LDLRAD3: variants seen among roughly 807,000 people sequenced by gnomAD.
The protein encoded by LDLRAD3 is low density lipoprotein receptor class A domain containing 3, also known as low-density lipoprotein receptor class A domain-containing protein 3.
In LDLRAD3, 20 loss-of-function variants were observed where a neutral mutation model predicts 29.4. The observed-to-expected ratio is 0.68, with a 90% CI of 0.48 to 0.99. LDLRAD3 has a LOEUF of 0.99. Among genes scored for constraint, LDLRAD3 ranks in the 50% least tolerant of loss-of-function variants. The pLI, the probability that LDLRAD3 is intolerant of heterozygous loss-of-function variation, is 0.00. For synonymous variants in LDLRAD3, 157 were observed against 192.7 expected, an observed-to-expected ratio of 0.81 and a Z score of 1.53; for missense variants, 420 against 454.3, an observed-to-expected ratio of 0.92 and a Z score of 0.69.
chr11:36,121,584 G>A (rs925795517), intron 4 of LDLRAD3, among the ~76,000 whole-genome samples: 2 of 152,204 alleles, frequency 1.3e-5, no homozygotes, highest in Non-Finnish European at 2.9e-5. Flanking sequence ...ATTATGGTTC[G>A]GGAAAATAAT....
intron 1 of LDLRAD3, among the ~76,000 whole-genome samples, chr11:35,963,074 G>C (rs1429551186): frequency 6.6e-6 from 1 of 152,144 alleles, no homozygotes; most frequent in Admixed American, 6.5e-5. Flanking sequence ...AGGGAGGAAG[G>C]CCAGGCCACA....
intron 1 of LDLRAD3, among the ~76,000 whole-genome samples, chr11:35,965,817 A>T (rs901200693): frequency 6.6e-6 from 1 of 152,236 alleles, no homozygotes; most frequent in Admixed American, 6.5e-5. Context: ...TTTTAAAATC[A>T]GGAAAAGAAG....
intron 3 of LDLRAD3, among the ~76,000 whole-genome samples, chr11:36,094,128 G>C (rs1263870977): frequency 6.6e-6 from 1 of 152,162 alleles, no homozygotes; most frequent in East Asian, 1.9e-4. Flanking sequence ...TTTCACCGGG[G>C]ACTCGCCCCT....
At chr11:36,149,862 AC>A (rs1336907841) in intron 4 of LDLRAD3, among the ~76,000 whole-genome samples, 1 of 151,180 alleles carries the variant, frequency 6.6e-6, no homozygotes, top group Non-Finnish European at 1.5e-5. Context: ...GTTCCTCATG[AC>A]TGTTCCTCAT....
chr11:36,118,977 A>C (rs990690867), intron 4 of LDLRAD3, among the ~76,000 whole-genome samples: 1 of 151,434 alleles, frequency 6.6e-6, no homozygotes, highest in Non-Finnish European at 1.5e-5. Context: ...TTCACTTAGC[A>C]TAACGTGTTC....
Position 36,015,640 on chromosome 11 carries a change from GC to G in LDLRAD3, c.47-20458del, listed in dbSNP as rs201593603. 5.1e-3 allele frequency among the ~76,000 whole-genome samples: 773 copies of G among 150,772 alleles called. 7 individuals are homozygous for G. Among genetic ancestry groups the G allele is most frequent in the African/African-American group, 0.018 (745 of 41,014 alleles). On this transcript the variant is annotated intron_variant, in intron 1 of 5. Coordinates refer to ENST00000315571, the MANE Select transcript of LDLRAD3 (RefSeq NM_174902.4). ...TTGCCAACCCCAGAGCCCCGGTGGTGCCCCCACTCCATCCTCCCCCTGCCCC... is the reference window on the plus strand; with the variant it reads ...TTGCCAACCCCAGAGCCCCGGTGGTGCCCCACTCCATCCTCCCCCTGCCCC...
chr11:35,992,686 G>A (rs1376379921), intron 1 of LDLRAD3, among the ~76,000 whole-genome samples: 1 of 152,192 alleles, frequency 6.6e-6, no homozygotes, highest in Non-Finnish European at 1.5e-5. Flanking sequence ...GTTGCCTAGG[G>A]CTGAGTGGGG....
At chr11:36,017,740 G>T (rs1011586570) in intron 1 of LDLRAD3, among the ~76,000 whole-genome samples, 9 of 151,992 alleles carry the variant, frequency 5.9e-5, no homozygotes, top group Admixed American at 2.6e-4. Context: ...GGCCAGGCTG[G>T]TCTCCAACTC....
intron 4 of LDLRAD3, among the ~76,000 whole-genome samples, chr11:36,180,343 C>T (rs1174924895): frequency 6.6e-6 from 1 of 152,134 alleles, no homozygotes; most frequent in Non-Finnish European, 1.5e-5. Flanking sequence ...ACTCAACATA[C>T]ACTTGTTGAG....
intron 1 of LDLRAD3, among the ~76,000 whole-genome samples, chr11:36,003,506 C>T (rs778787867): frequency 3.3e-5 from 5 of 152,076 alleles, no homozygotes; most frequent in Non-Finnish European, 5.9e-5. Context: ...CCTGTGACAT[C>T]CTGTCTCTTG....
At chr11:36,162,197 GA>G (rs1203414433) in intron 4 of LDLRAD3, among the ~76,000 whole-genome samples, 1 of 152,146 alleles carries the variant, frequency 6.6e-6, no homozygotes, top group Non-Finnish European at 1.5e-5. Context: ...GGGTGCTGGG[GA>G]AAAAGTTGAG....
chr11:36,216,522 CA>C (rs749542069), intron 4 of LDLRAD3, among the ~76,000 whole-genome samples: 13 of 152,180 alleles, frequency 8.5e-5, no homozygotes, highest in South Asian at 4.2e-4. Context: ...CCTTTTTATC[CA>C]AAAAATAACC....
chr11:36,205,826 A>G lies in LDLRAD3; in HGVS notation c.455-21259A>G, dbSNP rs559586224. Among the ~76,000 whole-genome samples the G allele has an allele frequency of 2.0e-5, 3 of 152,364 alleles. No individual in the cohort carries two copies. In the East Asian group the frequency reaches 5.8e-4, roughly 29 times the overall value. ...TGTTACAAGAGGAGCTTTGCCGGCA[A>G]TGATAGGGTGGCCAGCAAATGCTCA... On this transcript the variant is annotated intron_variant, in intron 4 of 5. Coordinates refer to ENST00000315571, the MANE Select transcript of LDLRAD3 (RefSeq NM_174902.4).
intron 4 of LDLRAD3, among the ~76,000 whole-genome samples, chr11:36,153,403 G>A (rs1854303346): frequency 6.6e-6 from 1 of 152,194 alleles, no homozygotes. Flanking sequence ...TCTGAGCACT[G>A]GCTGGCTCTG....
At chr11:36,119,807 A>G (rs1853727274) in intron 4 of LDLRAD3, among the ~76,000 whole-genome samples, 1 of 152,110 alleles carries the variant, frequency 6.6e-6, no homozygotes, top group Non-Finnish European at 1.5e-5. Flanking sequence ...TAACAGCATC[A>G]TTTGCCACAC....
chr11:36,008,931 T>A (rs1283174064), intron 1 of LDLRAD3, among the ~76,000 whole-genome samples: 1 of 152,226 alleles, frequency 6.6e-6, no homozygotes, highest in Non-Finnish European at 1.5e-5. Flanking sequence ...CTCCTACAGC[T>A]TTGGTTATGA....
rs572024346 is a variant in LDLRAD3 at position 36,130,755 on chromosome 11, A to G, written c.454+32294A>G. Among the ~76,000 whole-genome samples the G allele has an allele frequency of 4.5e-4, 69 of 152,234 alleles. No individual in the cohort carries two copies. In the South Asian group the frequency reaches 0.014, roughly 31 times the overall value. Reference sequence around the variant, plus strand: ...CCTCACAGCAGCTGGTTGAGGAGCTATTATCATCATCCCCACTTGGCAGTG... The same window carrying G: ...CCTCACAGCAGCTGGTTGAGGAGCTGTTATCATCATCCCCACTTGGCAGTG... On this transcript the variant is annotated intron_variant, in intron 4 of 5. Transcript: ENST00000315571.
intron 1 of LDLRAD3, among the ~76,000 whole-genome samples, chr11:35,982,789 C>A (rs1395633492): frequency 6.6e-6 from 1 of 150,694 alleles, no homozygotes; most frequent in Non-Finnish European, 1.5e-5. Flanking sequence ...GCATTCCATT[C>A]CTTTCCCAAG....
intron 1 of LDLRAD3, among the ~76,000 whole-genome samples, chr11:36,008,785 A>T (rs1013756042): frequency 3.3e-5 from 5 of 152,182 alleles, no homozygotes; most frequent in Non-Finnish European, 7.4e-5. Context: ...ATTCACAGGA[A>T]ACTGTGCTGT....
Sources: gnomAD v4.1 joint callset for allele counts (sites outside exome capture counted in the v4.1 genomes callset) on GRCh38, gnomAD v4.1.1 for gene constraint, MANE v1.5 for transcripts, NCBI Gene and HGNC (gene_info 2026-07-23, HGNC 2026-07-21) for gene names.